THADA: variants seen among roughly 807,000 people sequenced by gnomAD.
The protein encoded by THADA is tRNA (32-2'-O)-methyltransferase regulator THADA.
A neutral mutation model predicts 219.8 loss-of-function variants in THADA; 213 were observed. The observed-to-expected ratio is 0.97, with a 90% CI of 0.87 to 1.09. THADA has a LOEUF of 1.09. Ranked by LOEUF, THADA falls within the 50% of genes least tolerant of loss-of-function variation. THADA has a pLI of 0.00. For synonymous variants in THADA, 1,018 were observed against 828.9 expected (o/e 1.23, Z -3.92); for missense variants, 2,956 against 2,311.3 (o/e 1.28, Z -5.72).
chr2:43,399,670 G>A (rs1674543636), intron 28 of THADA, among the ~76,000 whole-genome samples: 1 of 152,088 alleles, frequency 6.6e-6, no homozygotes, highest in African/African-American at 2.4e-5. Context: ...TTATCTGTGG[G>A]AAAGCAGAGA....
intron 29 of THADA, among the ~76,000 whole-genome samples, chr2:43,355,940 A>T (rs563430883): frequency 8.5e-5 from 13 of 152,352 alleles, no homozygotes; most frequent in African/African-American, 3.1e-4. Context: ...AAAAAGATTT[A>T]GTGAGGGAGG....
chr2:43,344,570 AGC>A (rs1667424078), intron 29 of THADA, among the ~76,000 whole-genome samples: 1 of 152,242 alleles, frequency 6.6e-6, no homozygotes, highest in Admixed American at 6.5e-5. Flanking sequence ...TCTTTATGTT[AGC>A]TGTCGCACAT....
chr2:43,447,215 G>C (rs871852), intron 26 of THADA, among the ~76,000 whole-genome samples: 81,104 of 151,776 alleles, frequency 0.53, 22,064 homozygotes, highest in East Asian at 0.72. Context: ...CACCAGTTCC[G>C]TCCTACGATG....
chr2:43,483,176 G>A (rs1195470115), intron 26 of THADA, among the ~76,000 whole-genome samples: 1 of 152,188 alleles, frequency 6.6e-6, no homozygotes, highest in Non-Finnish European at 1.5e-5. Context: ...GTCACCGGCT[G>A]AGGTTAGTTA....
chr2:43,362,632 T>C lies in THADA; in HGVS notation c.4228-18395A>G, dbSNP rs150584797. On this transcript the variant is annotated intron_variant, in intron 29 of 37. Transcript: ENST00000405975. ...GTGAATGTGAAGGCCTAGGACATCA[T>C]TGTACACCACCGTAGACTTTACGAA... 7.5e-4 allele frequency among the ~76,000 whole-genome samples: 114 copies of C among 152,254 alleles called. 1 individual carries two copies. In the East Asian group the frequency reaches 9.3e-3, roughly 12 times the overall value.
Position 43,323,954 on chromosome 2 carries a change from C to G in THADA, c.4344-3414G>C, listed in dbSNP as rs578101065. On this transcript the variant is annotated intron_variant, in intron 30 of 37. Coordinates refer to ENST00000405975, the MANE Select transcript of THADA (RefSeq NM_022065.5). ...AGAGAATGCGTTGATAAGGTGGAAA[C>G]AAGAGGAAGGCTGGTCAGGCTTTTA... Among the ~76,000 whole-genome samples, 167 of 152,280 alleles carry G rather than the reference C, an allele frequency of 1.1e-3. 3 individuals are homozygous for G. Among genetic ancestry groups the G allele is most frequent in the Non-Finnish European group, 1.9e-3 (128 of 68,032 alleles).
Position 43,337,493 on chromosome 2 carries a change from G to T in THADA, c.4343+6629C>A, listed in dbSNP as rs564906649. On this transcript the variant is annotated intron_variant, in intron 30 of 37. Transcript: ENST00000405975. ...TTGGCACAGAGTAAGCATTCAAAAC[G>T]TAAAAGTTTCCTCAACTGAATTTTT... Among the ~76,000 whole-genome samples the T allele has an allele frequency of 1.7e-3, 258 of 152,250 alleles. 2 individuals carry two copies. Among genetic ancestry groups the T allele is most frequent in the Middle Eastern group, 0.01 (3 of 294 alleles).
intron 20 of THADA, among the ~76,000 whole-genome samples, chr2:43,547,882 G>A (rs1043093521): frequency 3.3e-5 from 5 of 152,288 alleles, no homozygotes; most frequent in African/African-American, 7.2e-5. Flanking sequence ...GTCATTCTGC[G>A]TCCAGCTTTG....
chr2:43,348,196 A>G (rs542057002), intron 29 of THADA, among the ~76,000 whole-genome samples: 90 of 152,306 alleles, frequency 5.9e-4, no homozygotes, highest in African/African-American at 2.1e-3. Context: ...GAAAAATTAG[A>G]TCTGGCTATA....
At chr2:43,460,618 G>C (rs1248048181) in intron 26 of THADA, among the ~76,000 whole-genome samples, 1 of 152,144 alleles carries the variant, frequency 6.6e-6, no homozygotes, top group Non-Finnish European at 1.5e-5. Context: ...AAGTGCTCTG[G>C]AGGACACTCG....
chr2:43,297,862 CG>C lies in THADA; in HGVS notation c.4439-4650del, dbSNP rs1675732691. On this transcript the variant is annotated intron_variant, in intron 31 of 37. Coordinates refer to ENST00000405975, the MANE Select transcript of THADA (RefSeq NM_022065.5). ...CCCCCGCCCGGCCAGCCGCCCCGTC[CG>C]GGAGGTGAGGGGCGCCTCTGCCCGG... Among the ~76,000 whole-genome samples, 2 of 111,570 alleles carry C rather than the reference CG, an allele frequency of 1.8e-5. 1 individual carries two copies. 73.2% of individuals were successfully genotyped at this position (111,570 alleles called of 152,430 possible). A position where few individuals can be genotyped will look rare whatever the true frequency, so the allele number is the denominator to read the frequency against.
At chr2:43,453,042 G>A (rs1342747696) in intron 26 of THADA, among the ~76,000 whole-genome samples, 2 of 152,050 alleles carry the variant, frequency 1.3e-5, no homozygotes, top group African/African-American at 4.8e-5. Flanking sequence ...TTGTAAGTCT[G>A]TGAACACTCA....
intron 29 of THADA, among the ~76,000 whole-genome samples, chr2:43,381,577 A>G (rs187720976): frequency 1.2e-3 from 182 of 151,752 alleles, no homozygotes; most frequent in African/African-American, 4.3e-3. Context: ...ATCAACAGTG[A>G]TAAGTCTTTT....
At chr2:43,359,082 T>C (rs1390321605) in intron 29 of THADA, among the ~76,000 whole-genome samples, 1 of 152,204 alleles carries the variant, frequency 6.6e-6, no homozygotes, top group Admixed American at 6.5e-5. Flanking sequence ...ATCTGTTGCA[T>C]CCATTTTATG....
intron 36 of THADA, among the ~76,000 whole-genome samples, chr2:43,265,347 A>G (rs1671399712): frequency 6.6e-6 from 1 of 152,240 alleles, no homozygotes; most frequent in South Asian, 2.1e-4. Flanking sequence ...TGAAAAATAA[A>G]AACAGGACTC....
At chr2:43,354,719 T>C (rs1467680898) in intron 29 of THADA, among the ~76,000 whole-genome samples, 6 of 152,176 alleles carry the variant, frequency 3.9e-5, no homozygotes, top group Admixed American at 2.0e-4. Flanking sequence ...CAGTACTGCA[T>C]TGTGTATATG....
At chr2:43,351,739 G>C (rs1022608735) in intron 29 of THADA, among the ~76,000 whole-genome samples, 2 of 152,238 alleles carry the variant, frequency 1.3e-5, no homozygotes, top group African/African-American at 4.8e-5. Context: ...ATTTGCAGCA[G>C]CAGCTGGGGT....
intron 31 of THADA, among the ~76,000 whole-genome samples, chr2:43,307,226 A>G (rs920625375): frequency 2.0e-5 from 3 of 152,246 alleles, no homozygotes; most frequent in Non-Finnish European, 4.4e-5. Context: ...TCTAAGCCCC[A>G]GTACAGAGAG....
intron 29 of THADA, among the ~76,000 whole-genome samples, chr2:43,346,254 C>G (rs1667614005): frequency 1.3e-5 from 2 of 152,102 alleles, no homozygotes; most frequent in African/African-American, 4.8e-5. Context: ...AGATATTTTT[C>G]TTTAAGAAAA....
Sources: allele counts gnomAD v4.1 joint callset (sites outside exome capture counted in the v4.1 genomes callset), GRCh38; gene constraint gnomAD v4.1.1; transcripts MANE v1.5; gene names NCBI Gene and HGNC (gene_info 2026-07-23, HGNC 2026-07-21).